The following MTTP variants were observed in gnomAD, a reference collection of about 807,000 sequenced individuals.
MTTP encodes the protein microsomal triglyceride transfer protein.
Under a neutral mutation model 90.6 loss-of-function variants are expected in MTTP, and 49 were observed. The observed-to-expected ratio is 0.54, with a 90% CI of 0.43 to 0.69. The LOEUF (loss-of-function observed/expected upper bound fraction) is 0.69, where lower values mean the gene tolerates loss of function less well. Among genes scored for constraint, MTTP ranks in the 30% least tolerant of loss-of-function variants. The probability of loss-of-function intolerance (pLI) is 0.00; values close to 1 mark genes in which losing one functional copy is unlikely to be tolerated. For missense variants in MTTP, 945 were observed against 1,067.5 expected (o/e 0.89, Z 1.60); for synonymous variants, 347 against 384.2 (o/e 0.90, Z 1.13).
chr4:99,621,764 A>G (rs112769434), intron 17 of MTTP, among the ~76,000 whole-genome samples: 12,316 of 152,258 alleles, frequency 0.081, 549 homozygotes, highest in Middle Eastern at 0.099. Context: ...TTGGTAAAAT[A>G]GTTAGTGTTT....
At chr4:99,564,615 A>G (rs1724615372) in intron 1 of MTTP, among the ~76,000 whole-genome samples, 2 of 152,198 alleles carry the variant, frequency 1.3e-5, no homozygotes, top group Non-Finnish European at 2.9e-5. Context: ...TTTGCTATAT[A>G]TAGATCATGT....
chr4:99,609,796 G>T (rs1725907204), intron 12 of MTTP, among the ~76,000 whole-genome samples: 1 of 152,194 alleles, frequency 6.6e-6, no homozygotes, highest in Non-Finnish European at 1.5e-5. Context: ...AGGACATTCA[G>T]GAAAGAGCAA....
intron 1 of MTTP, among the ~76,000 whole-genome samples, chr4:99,576,755 G>T (rs1275252522): frequency 6.6e-6 from 1 of 151,260 alleles, no homozygotes; most frequent in African/African-American, 2.4e-5. Flanking sequence ...TGGCATAATT[G>T]GGAAATGGCA....
chr4:99,601,459 TG>T, intron 9 of MTTP, 147 bp from the exon 10 acceptor site: 6 of 610,876 alleles, frequency 9.8e-6, no homozygotes, highest in Non-Finnish European at 8.9e-6. Flanking sequence ...ATAGCAAATG[TG>T]TAAGTGTCTC....
intron 6 of MTTP, among the ~76,000 whole-genome samples, chr4:99,593,072 T>C (rs1475210248): frequency 6.6e-6 from 1 of 152,114 alleles, no homozygotes; most frequent in Non-Finnish European, 1.5e-5. Context: ...TGTACATGGG[T>C]CCATCATTGA....
At chr4:99,607,027 A>G in intron 11 of MTTP, 67 bp downstream of exon 11, 4 of 1,386,094 alleles carry the variant, frequency 2.9e-6, no homozygotes, top group Non-Finnish European at 4.0e-6. Context: ...AACATGAGTC[A>G]AATGCAAATT....
At chr4:99,605,009 T>TG (rs1725779802) in intron 10 of MTTP, among the ~76,000 whole-genome samples, 1 of 152,204 alleles carries the variant, frequency 6.6e-6, no homozygotes, top group Admixed American at 6.5e-5. Context: ...CATTCTCTTC[T>TG]GTTTAGTCAT....
intron 10 of MTTP, among the ~76,000 whole-genome samples, chr4:99,605,869 A>ATGTGTGTGTGTGTGTG (rs111417359): frequency 0.034 from 5,091 of 149,234 alleles, 133 homozygotes; most frequent in African/African-American, 0.058. Context: ...AACCCCATGT[A>ATGTGTGTGTGTGTGTG]TGTGTGTGTG....
chr4:99,574,062 G>T (rs1724895721), upstream of MTTP, among the ~76,000 whole-genome samples: 1 of 152,148 alleles, frequency 6.6e-6, no homozygotes, highest in Admixed American at 6.5e-5. Flanking sequence ...TGTAGCAAAA[G>T]AACTAAGATC....
Position 99,582,006 on chromosome 4 carries a change from G to T in MTTP, c.163G>T (p.Val55Leu). Residue 55 changes from valine (V) to leucine (L), a missense_variant, in exon 2 of 18, where the codon GTG (valine) becomes TTG (leucine). By Grantham distance (32) the Val-to-Leu change is conservative. Coordinates refer to ENST00000265517, the MANE Select transcript of MTTP (RefSeq NM_001386140.1). Reference sequence around the variant, plus strand: ...GGGCAAAGGAAAACTGCAAGACAGCGTGGGCTACCGCATTTCCTCCAACGT... The same window carrying T: ...GGGCAAAGGAAAACTGCAAGACAGCTTGGGCTACCGCATTTCCTCCAACGT... ...DRGKGKLQDS[V>L]GYRISSNVDV... The T allele has an allele frequency of 6.2e-7, 1 of 1,614,196 alleles. No individual in the cohort carries two copies. The highest frequency in any genetic ancestry group is 1.3e-5 in the African/African-American group (1 of 75,044).
intron 1 of MTTP, among the ~76,000 whole-genome samples, chr4:99,581,315 T>A (rs1348859618): frequency 2.0e-5 from 3 of 152,214 alleles, no homozygotes; most frequent in Non-Finnish European, 4.4e-5. Context: ...AGTAAAACAT[T>A]ATTTTATTCG....
At chr4:99,589,315 T>G (rs1026682054) in intron 3 of MTTP, among the ~76,000 whole-genome samples, 7 of 151,938 alleles carry the variant, frequency 4.6e-5, no homozygotes, top group Non-Finnish European at 1.0e-4. Flanking sequence ...GAGAACATGC[T>G]GACATGTTCA....
chr4:99,608,455 T>A (rs1301830701), intron 11 of MTTP, among the ~76,000 whole-genome samples: 1 of 151,830 alleles, frequency 6.6e-6, no homozygotes, highest in Non-Finnish European at 1.5e-5. Context: ...AAAAAAAAAA[T>A]GTTTATTTCT....
rs1725832621 is a variant in MTTP at position 99,606,950 on chromosome 4, T to C, written c.1547T>C (p.Ile516Thr). ...CTCCAGAGATATGATCTCCCTTTCATAACTGATGAGGTAAAATCTCCAAGA... is the reference window on the plus strand; with the variant it reads ...CTCCAGAGATATGATCTCCCTTTCACAACTGATGAGGTAAAATCTCCAAGA... ...TALQRYDLPF[I>T]TDEVKKTLNR... The change falls in exon 11 of 18, where the codon ATA becomes ACA. Residue 516 changes from isoleucine to threonine, a missense_variant. By Grantham distance (89) the Ile-to-Thr change is moderately conservative. Transcript: ENST00000265517. 1.2e-6 allele frequency: 2 copies of C among 1,612,548 alleles called. No homozygotes were observed. Among genetic ancestry groups the C allele is most frequent in the Admixed American group, 3.3e-5 (2 of 59,868 alleles).
intron 8 of MTTP, among the ~76,000 whole-genome samples, chr4:99,599,372 GA>G (rs1377770747): frequency 2.0e-5 from 3 of 152,110 alleles, no homozygotes; most frequent in African/African-American, 7.2e-5. Flanking sequence ...ATGGACTCCA[GA>G]GTCAGAAAAA....
rs990442101 is a variant in MTTP, at chr4:99,582,233, G to A, written c.249+141G>A. ...CTATCACTAAAACAAGCAGTTCTAT[G>A]TATTTAAAGGTTTTGCTGATGAAAA... is the stretch of plus-strand genomic sequence containing the variant. On this transcript the variant is annotated intron_variant, in intron 2 of 17. Coordinates refer to ENST00000265517, the MANE Select transcript of MTTP (RefSeq NM_001386140.1). The A allele has an allele frequency of 1.2e-5, 10 of 860,004 alleles. No homozygotes were observed. The African/African-American group carries it at 1.7e-4, about 14-fold the overall frequency. 53.3% of individuals were successfully genotyped at this position (860,004 alleles called of 1,614,324 possible).
chr4:99,611,434 C>G lies in MTTP; in HGVS notation c.1970C>G (p.Ala657Gly), dbSNP rs745718494. 1 of 1,613,964 alleles carries G rather than the reference C, an allele frequency of 6.2e-7. No homozygotes were observed. The highest frequency in any genetic ancestry group is 8.5e-7 in the Non-Finnish European group (1 of 1,179,974). Residue 657 changes from alanine (A) to glycine (G), a missense_variant, in exon 14 of 18, where the codon GCT (alanine) becomes GGT (glycine). Transcript: ENST00000265517. ...AACATCTTTCAGTACATTGGGAAGGCTGGTCTTCACGGTAGCCAGGTAACT... is the reference window on the plus strand; with the variant it reads ...AACATCTTTCAGTACATTGGGAAGGGTGGTCTTCACGGTAGCCAGGTAACT... ...NLNIFQYIGK[A>G]GLHGSQVVIE... is the part of the protein sequence containing the mutation.
At chr4:99,607,646 G>A (rs1205237957) in intron 11 of MTTP, among the ~76,000 whole-genome samples, 1 of 152,200 alleles carries the variant, frequency 6.6e-6, no homozygotes, top group East Asian at 1.9e-4. Context: ...TAAATGCTTA[G>A]TATAGATCCT....
chr4:99,573,060 G>A (rs1724873449), upstream of MTTP, among the ~76,000 whole-genome samples: 1 of 151,958 alleles, frequency 6.6e-6, no homozygotes, highest in South Asian at 2.1e-4. Flanking sequence ...GTCTTTTATT[G>A]GTTGGACTCT....
Sources: allele counts gnomAD v4.1 joint callset (sites outside exome capture counted in the v4.1 genomes callset), GRCh38; gene constraint gnomAD v4.1.1; transcripts MANE v1.5; gene names NCBI Gene and HGNC (gene_info 2026-07-23, HGNC 2026-07-21).